CLIC5: variants seen among roughly 807,000 people sequenced by gnomAD.
CLIC5 encodes the protein CLIC family member 5, also known as chloride intracellular channel protein 5.
In CLIC5, 20 loss-of-function variants were observed where a neutral mutation model predicts 24.7. The observed-to-expected ratio is 0.81, with a 90% CI of 0.57 to 1.18. The LOEUF (loss-of-function observed/expected upper bound fraction) is 1.18. Ranked by LOEUF, CLIC5 falls within the 50% of genes most tolerant of loss-of-function variation. The probability of loss-of-function intolerance (pLI) is 0.00; values close to 1 mark genes in which losing one functional copy is unlikely to be tolerated. For synonymous variants in CLIC5, 159 were observed against 135.6 expected (o/e 1.17, Z -1.20); for missense variants, 341 against 326.1 (o/e 1.05, Z -0.35).
At chr6:46,040,384 G>C (rs1406964011) in intron 1 of CLIC5, among the ~76,000 whole-genome samples, 2 of 152,160 alleles carry the variant, frequency 1.3e-5, no homozygotes, top group African/African-American at 2.4e-5. Context: ...GAATGATGGT[G>C]GATGAGGCTT....
intron 1 of CLIC5, among the ~76,000 whole-genome samples, chr6:45,989,892 T>C (rs1765872248): frequency 6.6e-6 from 1 of 152,214 alleles, no homozygotes; most frequent in Non-Finnish European, 1.5e-5. Context: ...TGTGTATCTA[T>C]GATGGGATTC....
intron 1 of CLIC5, among the ~76,000 whole-genome samples, chr6:45,967,261 G>A (rs554204151): frequency 2.0e-4 from 31 of 152,218 alleles, no homozygotes; most frequent in Non-Finnish European, 3.4e-4. Flanking sequence ...GGGCCAGCTT[G>A]GTTCCAGAGA....
intron 1 of CLIC5, among the ~76,000 whole-genome samples, chr6:46,000,080 G>A (rs1434992467): frequency 6.6e-6 from 1 of 152,032 alleles, no homozygotes. Flanking sequence ...AACATTTTCT[G>A]TTATCTCCTT....
chr6:46,031,772 A>G lies in CLIC5; in HGVS notation c.540+47931T>C, dbSNP rs181465407. On this transcript the variant is annotated intron_variant, in intron 1 of 5. Transcript: ENST00000185206. Reference sequence around the variant, plus strand: ...ATAAAAAAATATGGAATGACATGAAAAGAAGCCCTTGATATGTTGTTAAGT... The same window carrying G: ...ATAAAAAAATATGGAATGACATGAAGAGAAGCCCTTGATATGTTGTTAAGT... Among the ~76,000 whole-genome samples, 497 of 151,754 alleles carry G rather than the reference A, an allele frequency of 3.3e-3. 1 individual carries two copies. The highest frequency in any genetic ancestry group is 0.011 in the African/African-American group (465 of 41,378).
upstream of CLIC5, among the ~76,000 whole-genome samples, chr6:46,084,228 C>A (rs1463325771): frequency 6.6e-6 from 1 of 152,062 alleles, no homozygotes; most frequent in Non-Finnish European, 1.5e-5. Flanking sequence ...ACTCTTTATC[C>A]AATTTGCCAG....
At chr6:46,086,522 G>A in the CLIC5 span, among the ~76,000 whole-genome samples, 1 of 152,182 alleles carries the variant, frequency 6.6e-6, no homozygotes, top group Non-Finnish European at 1.5e-5. Flanking sequence ...GGAGTGTGTG[G>A]ATTGTGGGAA....
chr6:46,063,629 A>G lies in CLIC5; in HGVS notation c.540+16074T>C, dbSNP rs1015782355. On this transcript the variant is annotated intron_variant, in intron 1 of 5. Transcript: ENST00000185206. ...TGACTAAGTCCTGATCTGCATGTGC[A>G]TGGGAGAAAACTATCAAGTATGGGG... 3.9e-5 allele frequency among the ~76,000 whole-genome samples: 6 copies of G among 152,324 alleles called. No individual in the cohort carries two copies. The East Asian group carries it at 7.7e-4, about 20-fold the overall frequency.
At chr6:45,942,760 G>A (rs1336247862) in intron 3 of CLIC5, among the ~76,000 whole-genome samples, 1 of 152,128 alleles carries the variant, frequency 6.6e-6, no homozygotes, top group African/African-American at 2.4e-5. Context: ...ATTCCTTTTG[G>A]GGCCCCTTTT....
chr6:45,907,877 C>T (rs930107573), intron 5 of CLIC5, among the ~76,000 whole-genome samples: 2 of 152,168 alleles, frequency 1.3e-5, no homozygotes, highest in African/African-American at 4.8e-5. Flanking sequence ...TTAACTTCTT[C>T]TTTTCCTACT....
At chr6:46,018,555 T>C (rs1767085215), upstream of CLIC5, among the ~76,000 whole-genome samples, 1 of 152,258 alleles carries the variant, frequency 6.6e-6, no homozygotes, top group Non-Finnish European at 1.5e-5. Flanking sequence ...TTCAATTTCA[T>C]ATTATGCCTT....
At chr6:46,047,690 G>T (rs919963611) in intron 1 of CLIC5, among the ~76,000 whole-genome samples, 3 of 152,110 alleles carry the variant, frequency 2.0e-5, no homozygotes, top group African/African-American at 7.2e-5. Flanking sequence ...ATAAACAGTT[G>T]CAGTTTTACG....
intron 1 of CLIC5, among the ~76,000 whole-genome samples, chr6:46,055,923 C>T (rs1452538019): frequency 1.3e-5 from 2 of 152,046 alleles, no homozygotes; most frequent in Non-Finnish European, 2.9e-5. Flanking sequence ...TTGGCTGGGG[C>T]TATGGGAAGA....
chr6:46,050,853 A>ATGTGTGTGTGTGTGTGTGTG lies in CLIC5; in HGVS notation c.540+28830_540+28849dup, dbSNP rs56660827. The stretch of plus-strand genomic sequence containing the variant: ...TATTTAAGGTATAAAGTGTGTGTGT[A>ATGTGTGTGTGTGTGTGTGTG]TGTGTGTGTGTGTGTGTGTGTGTGC... On this transcript the variant is annotated intron_variant, in intron 1 of 5. Transcript: ENST00000185206. Among the ~76,000 whole-genome samples, 58 of 148,674 alleles carry ATGTGTGTGTGTGTGTGTGTG rather than the reference A, an allele frequency of 3.9e-4. 1 individual carries two copies. The South Asian group carries it at 0.011, about 29-fold the overall frequency.
chr6:45,920,473 A>G (rs1438260619), intron 4 of CLIC5: 1 of 346,398 alleles, frequency 2.9e-6, no homozygotes, highest in Admixed American at 6.4e-5. Context: ...AAAGGGTGCA[A>G]AAAAAGTACA....
intron 3 of CLIC5, among the ~76,000 whole-genome samples, chr6:45,945,513 G>A (rs9395137): frequency 0.086 from 13,060 of 152,038 alleles, 1,139 homozygotes; most frequent in East Asian, 0.37. Context: ...CCCTGAAGGA[G>A]CCTTGGAGGG....
At chr6:46,020,629 A>C (rs577783086), upstream of CLIC5, among the ~76,000 whole-genome samples, 4 of 152,144 alleles carry the variant, frequency 2.6e-5, no homozygotes, top group African/African-American at 7.2e-5. Context: ...GAAAATCAAT[A>C]ATACTAGAGG....
chr6:45,965,184 C>T (rs1764977381), intron 1 of CLIC5, among the ~76,000 whole-genome samples: 1 of 152,114 alleles, frequency 6.6e-6, no homozygotes, highest in Non-Finnish European at 1.5e-5. Context: ...GGAGAGTGTT[C>T]CTAAACTAGG....
At chr6:46,117,400 TC>T in the CLIC5 span, among the ~76,000 whole-genome samples, 4,186 of 152,306 alleles carry the variant, frequency 0.027, 82 homozygotes, top group Middle Eastern at 0.058. Flanking sequence ...ATTCTGTAAT[TC>T]AGCAGGTTTG....
At chr6:45,972,080 G>A (rs1765219876) in intron 1 of CLIC5, among the ~76,000 whole-genome samples, 3 of 152,168 alleles carry the variant, frequency 2.0e-5, no homozygotes, top group East Asian at 3.9e-4. Context: ...CATACCAAAG[G>A]GCAGAACAGA....
Sources: gnomAD v4.1 joint callset for allele counts (sites outside exome capture counted in the v4.1 genomes callset) on GRCh38, gnomAD v4.1.1 for gene constraint, MANE v1.5 for transcripts, NCBI Gene and HGNC (gene_info 2026-07-23, HGNC 2026-07-21) for gene names.